DCTN1: variants seen among roughly 807,000 people sequenced by gnomAD.
DCTN1 encodes the protein dynactin subunit 1.
A neutral mutation model predicts 161.2 loss-of-function variants in DCTN1; 61 were observed. The observed-to-expected ratio is 0.38, with a 90% CI of 0.31 to 0.47. The LOEUF is 0.47. DCTN1 is among the 20% of genes least tolerant of loss of function. DCTN1 has a pLI of 0.99. For synonymous variants in DCTN1, 653 were observed against 632.4 expected, an observed-to-expected ratio of 1.03 and a Z score of -0.49; for missense variants, 1,404 against 1,623.7, an observed-to-expected ratio of 0.86 and a Z score of 2.33.
intron 1 of DCTN1, chr2:74,391,376 G>T (rs1328597242): frequency 1.5e-5 from 3 of 198,540 alleles, no homozygotes; most frequent in African/African-American, 7.2e-5. Flanking sequence ...CGGACCCCAG[G>T]AGTAGGATCA....
intron 27 of DCTN1, 55 bp from the exon 28 acceptor site, chr2:74,363,482 G>C (rs542080798): frequency 6.2e-7 from 1 of 1,605,956 alleles, no homozygotes; most frequent in African/African-American, 1.3e-5. Flanking sequence ...TTGAAAATTG[G>C]GCTCCATTCC....
Position 74,361,495 on chromosome 2 carries a change from G to A in DCTN1, c.*4C>T, listed in dbSNP as rs1673984691. The A allele has an allele frequency of 3.1e-6, 5 of 1,613,974 alleles. No homozygotes were observed. Among genetic ancestry groups the A allele is most frequent in the Non-Finnish European group, 4.2e-6 (5 of 1,180,024 alleles). ...TCGAAGGGGACAGCAGGGGAAAGGA[G>A]TGCTTAGGAGATGAGGCGACTGTGA... On this transcript the variant is annotated 3_prime_UTR_variant, in exon 32 of 32. Coordinates refer to ENST00000628224, the MANE Select transcript of DCTN1 (RefSeq NM_004082.5).
Position 74,362,041 on chromosome 2 carries a change from C to A in DCTN1, c.3699+11G>T. 1 of 1,613,216 alleles carries A rather than the reference C, an allele frequency of 6.2e-7. No individual in the cohort carries two copies. The highest frequency in any genetic ancestry group is 8.5e-7 in the Non-Finnish European group (1 of 1,179,530). On this transcript the variant is annotated intron_variant, in intron 31 of 31. Coordinates refer to ENST00000628224, the MANE Select transcript of DCTN1 (RefSeq NM_004082.5). ...ACACTGTCCCATCCTCCACCCCATG[C>A]TCCCCCTCACCCTGAGGAAGGCTGA...
chr2:74,387,418 A>G (rs1190894419), intron 1 of DCTN1, among the ~76,000 whole-genome samples: 2 of 152,192 alleles, frequency 1.3e-5, no homozygotes, highest in South Asian at 2.1e-4. Flanking sequence ...CTTCAGACTC[A>G]TATCTCACTG....
intron 1 of DCTN1, among the ~76,000 whole-genome samples, chr2:74,387,380 A>C (rs1675780014): frequency 1.3e-5 from 2 of 152,040 alleles, no homozygotes; most frequent in African/African-American, 4.8e-5. Flanking sequence ...ACTCATACTT[A>C]CTGCCCCTAG....
rs1384944670 is a variant in DCTN1, at chr2:74,362,774, G to A, written c.3530-45C>T. On this transcript the variant is annotated intron_variant, in intron 29 of 31. Transcript: ENST00000628224. ...GTGAGGCCCACCAAGGCGCAGGCAG[G>A]CAGTTCTACTGGATTAAGGGTTAGG... The A allele has an allele frequency of 1.9e-6, 3 of 1,584,770 alleles. No homozygotes were observed. The South Asian group carries it at 3.3e-5, about 18-fold the overall frequency.
Position 74,378,244 on chromosome 2 carries a change from G to A in DCTN1, c.35C>T (p.Thr12Met), listed in dbSNP as rs72659364. 51 of 1,606,546 alleles carry A rather than the reference G, an allele frequency of 3.2e-5. No individual in the cohort carries two copies. Among genetic ancestry groups the A allele is most frequent in the East Asian group, 2.0e-4 (9 of 44,888 alleles). ...CGCACTCATCCTGCTGCCGCTGGGC[G>A]TCTGAAAGACACAGGTAAACACAGA... ...AQSKRHVYSR[T>M]PSGSRMSAEA... Residue 12 changes from threonine to methionine, a missense_variant and splice_region_variant, in exon 2 of 32, where the codon ACG (threonine) becomes ATG (methionine). Physicochemically the swap from Thr to Met is moderately conservative, Grantham distance 81. Coordinates refer to ENST00000628224, the MANE Select transcript of DCTN1 (RefSeq NM_004082.5).
In DCTN1 at chr2:74,370,982, T is replaced by C. The variant is rs781126835; in HGVS notation, c.840A>G (p.Arg280=). The C allele has an allele frequency of 1.2e-6, 2 of 1,613,930 alleles. No individual in the cohort carries two copies. The highest frequency in any genetic ancestry group is 1.1e-5 in the South Asian group (1 of 91,080). ...ADLQRRLKEA[R]KEAKEALEAK... ...CCCCCTTCATCCAGAGTCAAACCTT[T>C]CTCGCCTCCTTGAGGCGCCGCTGCA... The change falls in exon 9 of 32, where the codon AGA becomes AGG. Residue 280 remains arginine, a synonymous_variant. Coordinates refer to ENST00000628224, the MANE Select transcript of DCTN1 (RefSeq NM_004082.5). This position sits in a 1 kb window ranked among gnomAD's most constrained non-coding sequence, Gnocchi z 4.4.
At chr2:74,372,759 C>T (rs948910903) in intron 7 of DCTN1, among the ~76,000 whole-genome samples, 169 bp downstream of exon 7, 1 of 152,222 alleles carries the variant, frequency 6.6e-6, no homozygotes, top group Non-Finnish European at 1.5e-5. Context: ...AGCCATTTTC[C>T]CCAGGAGGTG....
At chr2:74,380,400 C>A (rs1229518489), upstream of DCTN1, 2 of 504,844 alleles carry the variant, frequency 4.0e-6, no homozygotes, top group Middle Eastern at 3.0e-4. Flanking sequence ...AAACTAAGGG[C>A]TGGGCATACG....
At position 74,365,162 on chromosome 2, in the gene DCTN1, G is replaced by A. The variant is rs750987863; in HGVS notation, c.3109C>T (p.Leu1037=). The change falls in exon 26 of 32, where the codon CTG becomes TTG. Residue 1037 remains leucine, a synonymous_variant. Coordinates refer to ENST00000628224, the MANE Select transcript of DCTN1 (RefSeq NM_004082.5). ...ATCGTGCGTTTGGACTGGCTGTTCA[G>A]ACGCTGCTTTAGTTCTGCCTTCTCT... ...EAEKAELKQR[L]NSQSKRTIEG... The A allele has an allele frequency of 3.7e-6, 6 of 1,614,204 alleles. 1 individual carries two copies. In the South Asian group the frequency reaches 6.6e-5, roughly 18 times the overall value.
intron 27 of DCTN1, 58 bp downstream of exon 27, chr2:74,363,556 G>A (rs1674181401): frequency 2.5e-6 from 4 of 1,605,962 alleles, no homozygotes; most frequent in Admixed American, 1.7e-5. Flanking sequence ...CCTCCACCCT[G>A]CTCCCTTAGC....
chr2:74,377,774 G>C (rs1044140560), intron 2 of DCTN1, 48 bp from the exon 3 acceptor site: 2 of 1,563,802 alleles, frequency 1.3e-6, no homozygotes, highest in Non-Finnish European at 1.8e-6. Context: ...AATATAGCCA[G>C]ATCAAGGACG....
chr2:74,376,768 TGAG>T lies in DCTN1; in HGVS notation c.394-9_394-7del, dbSNP rs932190621. The T allele has an allele frequency of 6.2e-7, 1 of 1,603,490 alleles. No homozygotes were observed. The highest frequency in any genetic ancestry group is 1.3e-5 in the African/African-American group (1 of 74,822). Reference sequence around the variant, plus strand: ...TTCTTAGGCTTCAGTCCCCGCTGCATGAGGAGTAGGAAAGGGCAGAGTTAGAGA... The same window carrying T: ...TTCTTAGGCTTCAGTCCCCGCTGCATGAGTAGGAAAGGGCAGAGTTAGAGA... On this transcript the variant is annotated splice_polypyrimidine_tract_variant and splice_region_variant and intron_variant, in intron 4 of 31. Coordinates refer to ENST00000628224, the MANE Select transcript of DCTN1 (RefSeq NM_004082.5).
At chr2:74,367,945 G>C in intron 17 of DCTN1, 26 bp downstream of exon 17, 1 of 1,614,210 alleles carries the variant, frequency 6.2e-7, no homozygotes, top group East Asian at 2.2e-5. Flanking sequence ...CCCCACCCTG[G>C]GGTGAGGGAG....
In DCTN1 at chr2:74,371,593, G is replaced by T; in HGVS notation, c.589C>A (p.Pro197Thr). The T allele has an allele frequency of 6.3e-7, 1 of 1,588,882 alleles. No individual in the cohort carries two copies. The highest frequency in any genetic ancestry group is 8.6e-7 in the Non-Finnish European group (1 of 1,168,120). Reference protein sequence around the residue: ...AQTPLAAPIIPTPVLTSPGAV... With the variant: ...AQTPLAAPIITTPVLTSPGAV... ...CCAGGAGAGGTGAGGACCGGCGTGG[G>T]GATGATGGGTGCTGCCAGCGGAGTC... The change falls in exon 8 of 32, where the codon CCC becomes ACC. Residue 197 changes from proline (P) to threonine (T), a missense_variant. By Grantham distance (38) the Pro-to-Thr change is conservative (BLOSUM62 -1). Transcript: ENST00000628224.
Position 74,368,931 on chromosome 2 carries a change from A to C in DCTN1, c.1702-51T>G, listed in dbSNP as rs776793976. On this transcript the variant is annotated intron_variant, in intron 15 of 31. Transcript: ENST00000628224. ...TCTTAGCCAGAGCTGAAAGAGCCCC[A>C]AAATTCCCATGCCTTGCTCCAGTAG... 6.2e-6 allele frequency: 10 copies of C among 1,609,018 alleles called. No individual in the cohort carries two copies. The Admixed American group carries it at 6.7e-5, about 11-fold the overall frequency.
intron 16 of DCTN1, 128 bp from the exon 17 acceptor site, chr2:74,368,259 G>C: frequency 7.9e-7 from 1 of 1,270,502 alleles, no homozygotes; most frequent in South Asian, 1.3e-5. Flanking sequence ...AGCAGAAATA[G>C]CTCTTACCTG....
rs746264191 is a variant in DCTN1 at position 74,367,138 on chromosome 2, C to T, written c.2254-31G>A. 19 of 1,613,346 alleles carry T rather than the reference C, an allele frequency of 1.2e-5. No individual in the cohort carries two copies. The South Asian group carries it at 1.9e-4, about 16-fold the overall frequency. ...AGGATAGAAGCATGCAATCATCAGC[C>T]CCCAGCAGGAGCCCTTCTGCCTTAT... On this transcript the variant is annotated intron_variant, in intron 19 of 31. Coordinates refer to ENST00000628224, the MANE Select transcript of DCTN1 (RefSeq NM_004082.5).
Sources: gnomAD v4.1 joint callset for allele counts (sites outside exome capture counted in the v4.1 genomes callset) on GRCh38, gnomAD v4.1.1 for gene constraint, Gnocchi (gnomAD v3.1) non-coding constraint, MANE v1.5 for transcripts, NCBI Gene and HGNC (gene_info 2026-07-23, HGNC 2026-07-21) for gene names.